HNRNPD: variants seen among roughly 807,000 people sequenced by gnomAD.
The protein encoded by HNRNPD is heterogeneous nuclear ribonucleoprotein D0.
Under a neutral mutation model 47.9 loss-of-function variants are expected in HNRNPD, and 3 were observed. The ratio of observed to expected loss-of-function variants is 0.06; its 90% CI spans 0.03 to 0.16. The LOEUF is 0.16. Ranked by LOEUF, HNRNPD falls within the 10% of genes least tolerant of loss-of-function variation. HNRNPD has a pLI of 1.00. For synonymous variants in HNRNPD, 171 were observed against 165.1 expected, an observed-to-expected ratio of 1.04 and a Z score of -0.28; for missense variants, 287 against 454.2, an observed-to-expected ratio of 0.63 and a Z score of 3.35.
chr4:82,373,094 G>T (rs746534622), intron 1 of HNRNPD: 1 of 515,242 alleles, frequency 1.9e-6, no homozygotes, highest in Admixed American at 2.3e-5. Flanking sequence ...AAAAAGAGGG[G>T]ACAGCATGGA....
intron 2 of HNRNPD, among the ~76,000 whole-genome samples, chr4:82,364,939 A>G (rs558655893): frequency 6.6e-6 from 1 of 152,344 alleles, no homozygotes; most frequent in Admixed American, 6.5e-5. Flanking sequence ...ATTTTATTCC[A>G]AGATACCTCC....
In HNRNPD at chr4:82,357,306, A is replaced by G; in HGVS notation, c.753+7T>C. 1 of 1,604,010 alleles carries G rather than the reference A, an allele frequency of 6.2e-7. No homozygotes were observed. Among genetic ancestry groups the G allele is most frequent in the Non-Finnish European group, 8.5e-7 (1 of 1,176,690 alleles). On this transcript the variant is annotated splice_region_variant and intron_variant, in intron 5 of 8. Transcript: ENST00000313899. ...TTTCTCTACAAGTAAATGGATGCTTAACTTACTTTACTAAGACCAACATTG... is the reference window on the plus strand; with the variant it reads ...TTTCTCTACAAGTAAATGGATGCTTGACTTACTTTACTAAGACCAACATTG...
At chr4:82,358,976 CAACT>C (rs1390523515) in intron 3 of HNRNPD, 156 bp from the exon 4 acceptor site, 4 of 619,802 alleles carry the variant, frequency 6.5e-6, no homozygotes, top group Admixed American at 3.1e-5. Flanking sequence ...GATGTAACAT[CAACT>C]AACATATACT....
At chr4:82,372,890 A>G (rs1720132920) in intron 1 of HNRNPD, among the ~76,000 whole-genome samples, 2 of 152,196 alleles carry the variant, frequency 1.3e-5, no homozygotes, top group African/African-American at 4.8e-5. Flanking sequence ...CTTATTCAAA[A>G]TCCCAAGAAA....
Position 82,373,401 on chromosome 4 carries a change from G to T in HNRNPD, c.233+45C>A, listed in dbSNP as rs577082693. ...AATGGCGGGGGAATAAAGAGGGGGA[G>T]GGGGACTAGTTGGGCCTGACTATCC... On this transcript the variant is annotated intron_variant, in intron 1 of 8. Transcript: ENST00000313899. 43 of 1,528,434 alleles carry T rather than the reference G, an allele frequency of 2.8e-5. No homozygotes were observed. The Admixed American group carries it at 5.4e-4, about 19-fold the overall frequency. 94.7% of individuals were successfully genotyped at this position (1,528,434 alleles called of 1,614,324 possible).
intron 5 of HNRNPD, 51 bp from the exon 6 acceptor site, chr4:82,356,946 C>T: frequency 6.8e-7 from 1 of 1,476,960 alleles, no homozygotes; most frequent in Admixed American, 1.7e-5. Flanking sequence ...ATAAAAGTTG[C>T]TAAATAAGTT....
rs548137233 is a variant in HNRNPD at position 82,362,842 on chromosome 4, C to T, written c.291-3203G>A. Among the ~76,000 whole-genome samples the T allele has an allele frequency of 7.2e-5, 11 of 152,124 alleles. No individual in the cohort carries two copies. The South Asian group carries it at 1.2e-3, about 17-fold the overall frequency. ...CTTGAACTCCTGGCCTCAAGTGATC[C>T]GCCCGCTCCAGCCTCCCAAACTGCT... On this transcript the variant is annotated intron_variant, in intron 2 of 8. Transcript: ENST00000313899.
chr4:82,359,245 G>C (rs1009676186), intron 3 of HNRNPD, among the ~76,000 whole-genome samples: 1 of 152,064 alleles, frequency 6.6e-6, no homozygotes, highest in Non-Finnish European at 1.5e-5. Context: ...TAAGTCTATA[G>C]TATCTTTAAA....
At chr4:82,368,805 G>A (rs775206523) in intron 2 of HNRNPD, among the ~76,000 whole-genome samples, 2 of 152,136 alleles carry the variant, frequency 1.3e-5, no homozygotes, top group Non-Finnish European at 2.9e-5. Context: ...AAGCACTAAG[G>A]TATAAGACCA....
intron 2 of HNRNPD, among the ~76,000 whole-genome samples, chr4:82,367,194 CT>C (rs199549851): frequency 1.3e-3 from 196 of 152,294 alleles, no homozygotes; most frequent in African/African-American, 4.4e-3. Flanking sequence ...CCAATACCTC[CT>C]TTTCACTTCA....
intron 2 of HNRNPD, among the ~76,000 whole-genome samples, chr4:82,368,503 G>C (rs534523394): frequency 6.6e-6 from 1 of 152,174 alleles, no homozygotes; most frequent in South Asian, 2.1e-4. Flanking sequence ...TAAAAAACGA[G>C]ATTATTTTTA....
intron 1 of HNRNPD, 184 bp downstream of exon 1, chr4:82,373,262 A>T: frequency 1.2e-6 from 1 of 805,084 alleles, no homozygotes; most frequent in Middle Eastern, 2.6e-4. Context: ...GGCGATAAGC[A>T]GGCAAAGGAA....
Position 82,373,571 on chromosome 4 carries a change from C to T in HNRNPD, c.108G>A (p.Gly36=), listed in dbSNP as rs1720241982. 1.9e-6 allele frequency: 3 copies of T among 1,539,970 alleles called. No individual in the cohort carries two copies. Among genetic ancestry groups the T allele is most frequent in the Non-Finnish European group, 2.6e-6 (3 of 1,144,268 alleles). Residue 36 remains glycine, a synonymous_variant, in exon 1 of 9, where the codon GGG becomes GGA. Coordinates refer to ENST00000313899, the MANE Select transcript of HNRNPD (RefSeq NM_031370.3). ...QEGAMVAATQ[G]AAAAAGSGAG... is the part of the protein sequence containing the mutation. ...CTCCGCTTCCCGCCGCCGCCGCTGC[C>T]CCCTGTGTCGCCGCCACCATGGCTC...
rs1719971035 is a variant in HNRNPD at position 82,370,270 on chromosome 4, A to G, written c.290+1258T>C. ...CCTGAGATTATTCAAAAAAGTTGTA[A>G]TATTACATCGTTTTAGGTAGCAGGT... On this transcript the variant is annotated intron_variant, in intron 2 of 8. Transcript: ENST00000313899. 2.6e-5 allele frequency among the ~76,000 whole-genome samples: 4 copies of G among 152,224 alleles called. No individual in the cohort carries two copies. The South Asian group carries it at 8.3e-4, about 32-fold the overall frequency.
chr4:82,367,026 CTTTT>C (rs34807755), intron 2 of HNRNPD, among the ~76,000 whole-genome samples: 91 of 128,132 alleles, frequency 7.1e-4, no homozygotes, highest in Middle Eastern at 4.0e-3. Context: ...ACACACTAGC[CTTTT>C]TTTTTTTTTT....
intron 1 of HNRNPD, chr4:82,373,086 A>G: frequency 2.0e-6 from 1 of 497,632 alleles, no homozygotes; most frequent in Non-Finnish European, 3.9e-6. Context: ...AAAAAGGGAA[A>G]AAGAGGGGAC....
chr4:82,361,208 T>G (rs895712685), intron 2 of HNRNPD, among the ~76,000 whole-genome samples: 2 of 152,362 alleles, frequency 1.3e-5, no homozygotes, highest in African/African-American at 4.8e-5. Flanking sequence ...AGTGTGTACC[T>G]TCTAATATAC....
chr4:82,367,686 T>A (rs781579406), intron 2 of HNRNPD, among the ~76,000 whole-genome samples: 10 of 152,194 alleles, frequency 6.6e-5, no homozygotes, highest in Non-Finnish European at 7.4e-5. Context: ...CCTTGATTAC[T>A]GGCCAAGCAC....
rs540598800 is a variant in HNRNPD at position 82,359,462 on chromosome 4, A to T, written c.459+9T>A. ...TATTATTAACTGATCAGAACACGTAACACACTACCTTATCTACACTCTCCG... is the reference window on the plus strand; with the variant it reads ...TATTATTAACTGATCAGAACACGTATCACACTACCTTATCTACACTCTCCG... On this transcript the variant is annotated intron_variant, in intron 3 of 8. Transcript: ENST00000313899. 2.2e-5 allele frequency: 34 copies of T among 1,520,320 alleles called. No homozygotes were observed. The Admixed American group carries it at 5.0e-4, about 22-fold the overall frequency. 94.2% of individuals were successfully genotyped at this position (1,520,320 alleles called of 1,614,324 possible).
Sources: gnomAD v4.1 joint callset for allele counts (sites outside exome capture counted in the v4.1 genomes callset) on GRCh38, gnomAD v4.1.1 for gene constraint, MANE v1.5 for transcripts, NCBI Gene and HGNC (gene_info 2026-07-23, HGNC 2026-07-21) for gene names.